Variants in BAG4 observed in about 807,000 individuals in gnomAD.
The protein encoded by BAG4 is BAG family molecular chaperone regulator 4.
A neutral mutation model predicts 52.1 loss-of-function variants in BAG4; 28 were observed. That is an observed-to-expected ratio of 0.54 (90% CI 0.40 to 0.74). The LOEUF (loss-of-function observed/expected upper bound fraction) is 0.74, where lower values mean the gene tolerates loss of function less well. Ranked by LOEUF, BAG4 falls within the 30% of genes least tolerant of loss-of-function variation. BAG4 has a pLI of 0.00. For missense variants in BAG4, 525 were observed against 572.0 expected (o/e 0.92, Z 0.84); for synonymous variants, 208 against 217.0 (o/e 0.96, Z 0.37).
intron 1 of BAG4, among the ~76,000 whole-genome samples, chr8:38,179,442 C>T (rs1390233786): frequency 6.6e-6 from 1 of 151,794 alleles, no homozygotes; most frequent in Non-Finnish European, 1.5e-5. Flanking sequence ...CAGGTGTGAG[C>T]CACAGTGCCC....
At chr8:38,201,886 T>A (rs1298582964) in intron 2 of BAG4, 20 of 56,812 alleles carry the variant, frequency 3.5e-4, no homozygotes, top group African/African-American at 5.1e-4. Context: ...ATATATTTTT[T>A]TTTTTTTTTT....
At chr8:38,199,802 C>T (rs1353149336) in intron 2 of BAG4, among the ~76,000 whole-genome samples, 3 of 152,018 alleles carry the variant, frequency 2.0e-5, no homozygotes, top group South Asian at 2.1e-4. Context: ...GGATTACAGA[C>T]GTGAGCCACT....
intron 2 of BAG4, among the ~76,000 whole-genome samples, chr8:38,197,589 G>C (rs1003546312): frequency 7.2e-5 from 11 of 152,174 alleles, no homozygotes; most frequent in African/African-American, 2.7e-4. Context: ...GGATATTACT[G>C]TGCACTATTG....
rs758467407 is a variant in BAG4 at position 38,206,274 on chromosome 8, T to TA, written c.379-1222dup. Among the ~76,000 whole-genome samples the TA allele has an allele frequency of 7.9e-3, 1,002 of 127,568 alleles. 3 individuals carry two copies. The highest frequency in any genetic ancestry group is 0.029 in the East Asian group (128 of 4,368). 83.7% of individuals were successfully genotyped at this position (127,568 alleles called of 152,430 possible). On this transcript the variant is annotated intron_variant, in intron 2 of 4. Coordinates refer to ENST00000287322, the MANE Select transcript of BAG4 (RefSeq NM_004874.4). ...TGGGTGACAGAGCAAGACTCCATCTTAAAAAAAAAAAAAAAAGTGATCCTC... is the reference window on the plus strand; with the variant it reads ...TGGGTGACAGAGCAAGACTCCATCTTAAAAAAAAAAAAAAAAAGTGATCCTC...
chr8:38,178,910 G>T (rs990753400), intron 1 of BAG4, among the ~76,000 whole-genome samples: 2 of 152,116 alleles, frequency 1.3e-5, no homozygotes, highest in East Asian at 3.9e-4. Context: ...CGAGGCTGGA[G>T]GATTGCTTGA....
chr8:38,182,304 C>CA (rs1301831144), intron 1 of BAG4, among the ~76,000 whole-genome samples: 1 of 152,128 alleles, frequency 6.6e-6, no homozygotes, highest in Non-Finnish European at 1.5e-5. Context: ...AAAATATAAG[C>CA]AAATCTGTAA....
intron 1 of BAG4, among the ~76,000 whole-genome samples, chr8:38,181,082 A>G (rs1475411554): frequency 1.3e-5 from 2 of 151,820 alleles, no homozygotes; most frequent in African/African-American, 4.8e-5. Flanking sequence ...CTGGGATTAC[A>G]GGCACCCGCC....
chr8:38,210,322 A>C lies in BAG4; in HGVS notation c.1203A>C (p.Val401=), dbSNP rs766420492. The C allele has an allele frequency of 1.2e-6, 2 of 1,614,210 alleles. No individual in the cohort carries two copies. The highest frequency in any genetic ancestry group is 1.7e-6 in the Non-Finnish European group (2 of 1,180,046). Residue 401 remains valine, a synonymous_variant, in exon 5 of 5, where the codon GTA becomes GTC. Transcript: ENST00000287322. ...QYLEQEVEEF[V]GKKTDKAYWL... ...TTGAACAAGAAGTAGAAGAATTTGT[A>C]GGAAAAAAGACAGACAAAGCATACT...
At position 38,198,336 on chromosome 8, in the gene BAG4, AT is replaced by A. The variant is rs1275333176; in HGVS notation, c.378+5542del. ...GAGGCGGAGCTTGCAATGAACCGAG[AT>A]CACGCCACTGCACTCCAGCCTGGGC... On this transcript the variant is annotated intron_variant, in intron 2 of 4. Coordinates refer to ENST00000287322, the MANE Select transcript of BAG4 (RefSeq NM_004874.4). Among the ~76,000 whole-genome samples, 128 of 147,104 alleles carry A rather than the reference AT, an allele frequency of 8.7e-4. 2 individuals carry two copies. Among genetic ancestry groups the A allele is most frequent in the Non-Finnish European group, 2.5e-4 (17 of 66,868 alleles).
intron 1 of BAG4, among the ~76,000 whole-genome samples, chr8:38,177,935 A>C (rs74703048): frequency 6.6e-6 from 1 of 152,154 alleles, no homozygotes; most frequent in African/African-American, 2.4e-5. Flanking sequence ...TTGAAAATGT[A>C]ATAGTGAAAT....
At chr8:38,201,849 TATATATATATATATATATATA>T (rs1803668694) in intron 2 of BAG4, 6 of 6,368 alleles carry the variant, frequency 9.4e-4, no homozygotes, top group Non-Finnish European at 2.3e-3. Flanking sequence ...TATATATATA[TATATATATATATATATATATA>T]TATATATATA....
intron 1 of BAG4, among the ~76,000 whole-genome samples, chr8:38,182,244 A>G (rs1331216650): frequency 1.3e-5 from 2 of 152,262 alleles, no homozygotes; most frequent in Non-Finnish European, 2.9e-5. Context: ...CCATATAGCT[A>G]TACAAATAAC....
At chr8:38,207,151 C>G (rs1045374406) in intron 2 of BAG4, among the ~76,000 whole-genome samples, 3 of 152,036 alleles carry the variant, frequency 2.0e-5, no homozygotes, top group Non-Finnish European at 2.9e-5. Context: ...TGGGGTTTCA[C>G]CATTTTGGCC....
intron 1 of BAG4, among the ~76,000 whole-genome samples, chr8:38,191,920 C>G (rs1585656887): frequency 6.6e-6 from 1 of 152,112 alleles, no homozygotes; most frequent in Admixed American, 6.6e-5. Flanking sequence ...GCAAATCATG[C>G]GTTAACTTTC....
intron 2 of BAG4, among the ~76,000 whole-genome samples, chr8:38,194,604 T>C (rs1803531120): frequency 6.7e-6 from 1 of 150,030 alleles, no homozygotes; most frequent in Non-Finnish European, 1.5e-5. Context: ...TTAATAGAGA[T>C]GGGGTTTCAC....
chr8:38,186,607 G>A (rs1803369767), intron 1 of BAG4, among the ~76,000 whole-genome samples: 1 of 152,176 alleles, frequency 6.6e-6, no homozygotes, highest in Non-Finnish European at 1.5e-5. Flanking sequence ...GCTAGGAGGA[G>A]CCCTTTGGTA....
chr8:38,177,777 C>T (rs1171811790), intron 1 of BAG4, among the ~76,000 whole-genome samples: 1 of 152,106 alleles, frequency 6.6e-6, no homozygotes, highest in Non-Finnish European at 1.5e-5. Context: ...AACTCACTTG[C>T]CTAATACACT....
At position 38,176,940 on chromosome 8, in the gene BAG4, G is replaced by C. The variant is rs369467061; in HGVS notation, c.71G>C (p.Gly24Ala). The stretch of plus-strand genomic sequence containing the variant: ...TCCTACGGCCGCTACTACGGGCCTG[G>C]GGGTGGAGATGTGCCGGTACACCCA... ...GPSYGRYYGP[G>A]GGDVPVHPPP... The change falls in exon 1 of 5, where the codon GGG becomes GCG. Residue 24 changes from glycine (G) to alanine (A), a missense_variant. By Grantham distance (60) the Gly-to-Ala change is moderately conservative. Coordinates refer to ENST00000287322, the MANE Select transcript of BAG4 (RefSeq NM_004874.4). The C allele has an allele frequency of 1.5e-5, 23 of 1,554,818 alleles. No homozygotes were observed. The African/African-American group carries it at 3.0e-4, about 20-fold the overall frequency.
At chr8:38,180,864 T>A (rs1435297844) in intron 1 of BAG4, among the ~76,000 whole-genome samples, 1 of 152,148 alleles carries the variant, frequency 6.6e-6, no homozygotes, top group African/African-American at 2.4e-5. Context: ...ATTTAGATGA[T>A]GTACTGAACT....
Sources: gnomAD v4.1 joint callset for allele counts (sites outside exome capture counted in the v4.1 genomes callset) on GRCh38, gnomAD v4.1.1 for gene constraint, MANE v1.5 for transcripts, NCBI Gene and HGNC (gene_info 2026-07-23, HGNC 2026-07-21) for gene names.